Variants in SETBP1 observed in about 807,000 individuals in gnomAD.
SETBP1 encodes SET binding protein 1, also known as SET-binding protein.
Under a neutral mutation model 101.0 loss-of-function variants are expected in SETBP1, and 9 were observed. That is an observed-to-expected ratio of 0.09 (90% confidence interval 0.05 to 0.16). SETBP1 has a LOEUF of 0.16. Ranked by LOEUF, SETBP1 falls within the 10% of genes least tolerant of loss-of-function variation. The pLI is 1.00. For missense variants in SETBP1, 1,858 were observed against 2,033.8 expected (o/e 0.91, Z 1.66); for synonymous variants, 818 against 788.5 (o/e 1.04, Z -0.63).
intron 4 of SETBP1, among the ~76,000 whole-genome samples, chr18:45,008,213 G>A (rs908213025): frequency 6.6e-6 from 1 of 152,142 alleles, no homozygotes; most frequent in Admixed American, 6.5e-5. Flanking sequence ...GGGACAAGAG[G>A]TTTTCTTCAT....
intron 1 of SETBP1, among the ~76,000 whole-genome samples, chr18:44,699,787 G>A (rs189074805): frequency 8.5e-5 from 13 of 152,336 alleles, no homozygotes; most frequent in Admixed American, 5.9e-4. Context: ...TGTTGGAGCC[G>A]GGGCTGCCTT....
chr18:44,742,615 C>T (rs959316279), intron 2 of SETBP1, among the ~76,000 whole-genome samples: 10 of 152,196 alleles, frequency 6.6e-5, no homozygotes, highest in African/African-American at 2.4e-4. Context: ...GAGGTTGTTA[C>T]TGACTTATTT....
At chr18:44,703,364 T>TAGC (rs2069153805) in intron 2 of SETBP1, among the ~76,000 whole-genome samples, 1 of 18,444 alleles carries the variant, frequency 5.4e-5, no homozygotes, top group African/African-American at 2.3e-4. Flanking sequence ...TTTTTTTTTT[T>TAGC]TTTTTTTTTT....
chr18:44,971,108 G>A (rs1287689189), intron 4 of SETBP1, among the ~76,000 whole-genome samples: 1 of 149,136 alleles, frequency 6.7e-6, no homozygotes, highest in African/African-American at 2.5e-5. Context: ...TCCCACCTAT[G>A]AGTGAGAACA....
intron 3 of SETBP1, among the ~76,000 whole-genome samples, chr18:44,924,561 T>C (rs1301985063): frequency 6.6e-6 from 1 of 152,150 alleles, no homozygotes; most frequent in Non-Finnish European, 1.5e-5. Flanking sequence ...AGAGGAACAG[T>C]GAATGCACTA....
intron 3 of SETBP1, among the ~76,000 whole-genome samples, chr18:44,910,731 C>T (rs966659982): frequency 1.3e-5 from 2 of 152,122 alleles, no homozygotes; most frequent in African/African-American, 2.4e-5. Context: ...GTTTTGTAAG[C>T]GTACATAAGA....
rs1457254980 is a variant in SETBP1 at position 44,879,511 on chromosome 18, A to T, written c.540+10228A>T. On this transcript the variant is annotated intron_variant, in intron 3 of 5. Transcript: ENST00000649279. Reference sequence around the variant, plus strand: ...CTTATAAATTACATAATTGAAATTGATCTTGGACTGTTGAAGTCAGGGTTA... The same window carrying T: ...CTTATAAATTACATAATTGAAATTGTTCTTGGACTGTTGAAGTCAGGGTTA... Among the ~76,000 whole-genome samples the T allele has an allele frequency of 2.0e-5, 3 of 152,192 alleles. No homozygotes were observed. The East Asian group carries it at 5.8e-4, about 29-fold the overall frequency.
rs764607610 is a variant in SETBP1, at chr18:44,780,238, G to C, written c.486+78406G>C. ...TCCAGAAATCAGCCTCTCTTCCCCT[G>C]CCTTTTCCTAATATTTTACAAATGA... On this transcript the variant is annotated intron_variant, in intron 2 of 5. Coordinates refer to ENST00000649279, the MANE Select transcript of SETBP1 (RefSeq NM_015559.3). Among the ~76,000 whole-genome samples, 3 of 152,098 alleles carry C rather than the reference G, an allele frequency of 2.0e-5. No individual in the cohort carries two copies. The South Asian group carries it at 6.2e-4, about 32-fold the overall frequency.
At chr18:45,018,514 C>A (rs929525741) in intron 4 of SETBP1, among the ~76,000 whole-genome samples, 2 of 152,188 alleles carry the variant, frequency 1.3e-5, no homozygotes, top group Non-Finnish European at 2.9e-5. Flanking sequence ...GACATTGTCT[C>A]TTTCCTCAAC....
At chr18:44,813,968 G>A (rs193027448) in intron 2 of SETBP1, among the ~76,000 whole-genome samples, 353 of 152,258 alleles carry the variant, frequency 2.3e-3, no homozygotes, top group African/African-American at 8.3e-3. Flanking sequence ...GTTCTGTTCC[G>A]TGATAGAGTC....
intron 2 of SETBP1, among the ~76,000 whole-genome samples, chr18:44,736,450 G>C (rs958232598): frequency 1.3e-5 from 2 of 152,150 alleles, no homozygotes; most frequent in African/African-American, 2.4e-5. Context: ...TGTTATTGGA[G>C]AGATCAGTTT....
In SETBP1 at chr18:44,711,723, TG is replaced by T. The variant is rs2069351185; in HGVS notation, c.486+9893del. Among the ~76,000 whole-genome samples, 4 of 150,124 alleles carry T rather than the reference TG, an allele frequency of 2.7e-5. No homozygotes were observed. In the South Asian group the frequency reaches 8.5e-4, roughly 32 times the overall value. ...CTTTAAATTTTTTTTTTTTTTTTTTTGGTAGAGATAGGTCTTGCTATGTTGC... is the reference window on the plus strand; with the variant it reads ...CTTTAAATTTTTTTTTTTTTTTTTTTGTAGAGATAGGTCTTGCTATGTTGC... On this transcript the variant is annotated intron_variant, in intron 2 of 5. Transcript: ENST00000649279.
At chr18:44,800,188 G>T (rs2071575748) in intron 2 of SETBP1, among the ~76,000 whole-genome samples, 1 of 152,112 alleles carries the variant, frequency 6.6e-6, no homozygotes, top group Non-Finnish European at 1.5e-5. Flanking sequence ...TATGCTAGGA[G>T]ACCTCAAGGC....
intron 2 of SETBP1, among the ~76,000 whole-genome samples, chr18:44,782,986 C>T (rs991357721): frequency 6.6e-6 from 1 of 152,114 alleles, no homozygotes; most frequent in Non-Finnish European, 1.5e-5. Context: ...CTGGAAGAGG[C>T]TTAGTAAACG....
chr18:44,719,261 G>A lies in SETBP1; in HGVS notation c.486+17429G>A, dbSNP rs929377780. 3.9e-5 allele frequency among the ~76,000 whole-genome samples: 6 copies of A among 152,182 alleles called. No individual in the cohort carries two copies. In the East Asian group the frequency reaches 5.8e-4, roughly 15 times the overall value. ...AACACCTGAAAGGCCCAGTGTATTC[G>A]GGCAAATCAGGTTCAGAAGTGGAGG... On this transcript the variant is annotated intron_variant, in intron 2 of 5. Transcript: ENST00000649279.
intron 4 of SETBP1, among the ~76,000 whole-genome samples, chr18:45,036,225 C>T (rs572736693): frequency 1.3e-5 from 2 of 150,720 alleles, no homozygotes; most frequent in Non-Finnish European, 2.9e-5. Flanking sequence ...CCCAGCTACT[C>T]GGGAGGCTGA....
chr18:44,821,048 A>T (rs1306812828), intron 2 of SETBP1, among the ~76,000 whole-genome samples: 4 of 152,180 alleles, frequency 2.6e-5, no homozygotes. Context: ...ATTGCTTCCC[A>T]CAAAGATGTA....
rs186517689 is a variant in SETBP1 at position 45,012,037 on chromosome 18, C to G, written c.4001-26448C>G. 9.2e-5 allele frequency among the ~76,000 whole-genome samples: 14 copies of G among 152,266 alleles called. 1 individual carries two copies. The highest frequency in any genetic ancestry group is 3.4e-4 in the African/African-American group (14 of 41,558). Reference sequence around the variant, plus strand: ...AGAAATGTTAGAAGAGGGACTTCTTCATAATTCTCCAGGCTTGACCCAGGG... The same window carrying G: ...AGAAATGTTAGAAGAGGGACTTCTTGATAATTCTCCAGGCTTGACCCAGGG... On this transcript the variant is annotated intron_variant, in intron 4 of 5. Coordinates refer to ENST00000649279, the MANE Select transcript of SETBP1 (RefSeq NM_015559.3).
chr18:45,054,101 A>G (rs2073767795), intron 5 of SETBP1, among the ~76,000 whole-genome samples: 1 of 152,158 alleles, frequency 6.6e-6, no homozygotes, highest in South Asian at 2.1e-4. Context: ...GTTGAATGAA[A>G]CAGAGGACGG....
Sources: allele counts gnomAD v4.1 joint callset (sites outside exome capture counted in the v4.1 genomes callset), GRCh38; gene constraint gnomAD v4.1.1; transcripts MANE v1.5; gene names NCBI Gene and HGNC (gene_info 2026-07-23, HGNC 2026-07-21).